The following ARHGAP22 variants were observed in gnomAD, a reference collection of about 807,000 sequenced individuals.
The protein encoded by ARHGAP22 is Rho GTPase activating protein 22.
ARHGAP22 carries 48 observed loss-of-function variants against 59.1 expected under a neutral mutation model. That is an observed-to-expected ratio of 0.81 (90% confidence interval 0.64 to 1.03). The LOEUF (loss-of-function observed/expected upper bound fraction) is 1.03. Among genes scored for constraint, ARHGAP22 ranks in the 50% least tolerant of loss-of-function variants. The pLI, the probability that ARHGAP22 is intolerant of heterozygous loss-of-function variation, is 0.00. For missense variants in ARHGAP22, 1,015 were observed against 958.7 expected (o/e 1.06, Z -0.78); for synonymous variants, 445 against 416.4 (o/e 1.07, Z -0.84).
At position 48,448,673 on chromosome 10, in the gene ARHGAP22, G is replaced by A. The variant is rs112412649; in HGVS notation, c.1868+1588C>T. 5.6e-3 allele frequency among the ~76,000 whole-genome samples: 833 copies of A among 147,736 alleles called. 9 individuals are homozygous for A. The highest frequency in any genetic ancestry group is 0.018 in the African/African-American group (728 of 39,740). ...CAATCACCTGCTGGACAGGACAGGT[G>A]CTAATGCCCTCACCTTCCTTCCTGT... On this transcript the variant is annotated intron_variant, in intron 9 of 9. Coordinates refer to ENST00000249601, the MANE Select transcript of ARHGAP22 (RefSeq NM_021226.4).
intron 3 of ARHGAP22, among the ~76,000 whole-genome samples, chr10:48,495,294 C>T (rs2050802618): frequency 6.6e-6 from 1 of 152,264 alleles, no homozygotes; most frequent in South Asian, 2.1e-4. Context: ...TGAGTGCTCA[C>T]CATATGCTGG....
intron 3 of ARHGAP22, among the ~76,000 whole-genome samples, chr10:48,495,687 G>A (rs2050852484): frequency 6.6e-6 from 1 of 152,204 alleles, no homozygotes. Flanking sequence ...GTGAAGGTGG[G>A]CAGGACCTAA....
chr10:48,577,801 G>GTTTTTTTTTTTTTTTTTTGTT (rs2058828750), intron 2 of ARHGAP22, among the ~76,000 whole-genome samples: 1 of 59,142 alleles, frequency 1.7e-5, no homozygotes, highest in African/African-American at 6.6e-5. Flanking sequence ...CTCTTTTTTG[G>GTTTTTTTTTTTTTTTTTTGTT]TTTTTTTTTT....
chr10:48,490,512 A>G (rs1430327824), intron 3 of ARHGAP22, among the ~76,000 whole-genome samples: 1 of 152,148 alleles, frequency 6.6e-6, no homozygotes, highest in African/African-American at 2.4e-5. Context: ...TCTATTGCCT[A>G]TGAGTCTAAA....
intron 2 of ARHGAP22, among the ~76,000 whole-genome samples, chr10:48,568,456 A>G (rs2058187999): frequency 6.6e-6 from 1 of 152,196 alleles, no homozygotes; most frequent in Non-Finnish European, 1.5e-5. Flanking sequence ...CTAAGGGGGA[A>G]ACTCAGATGA....
At chr10:48,637,979 A>G (rs1259991406) in intron 1 of ARHGAP22, among the ~76,000 whole-genome samples, 2 of 151,990 alleles carry the variant, frequency 1.3e-5, no homozygotes, top group African/African-American at 4.8e-5. Context: ...TTTTTGGCCT[A>G]TATTCTCATA....
At chr10:48,628,093 GGTGA>G (rs2136076991) in intron 1 of ARHGAP22, among the ~76,000 whole-genome samples, 2 of 152,292 alleles carry the variant, frequency 1.3e-5, no homozygotes, top group East Asian at 3.9e-4. Flanking sequence ...CCTTGCAGTG[GGTGA>G]GTGAGTCTAT....
At chr10:48,596,309 C>T (rs878958236) in intron 1 of ARHGAP22, among the ~76,000 whole-genome samples, 6 of 151,876 alleles carry the variant, frequency 4.0e-5, no homozygotes, top group Middle Eastern at 3.2e-3. Flanking sequence ...CATATGGAGA[C>T]GCAAGACACA....
chr10:48,558,576 A>AT (rs1011075905), intron 2 of ARHGAP22, among the ~76,000 whole-genome samples: 3 of 152,150 alleles, frequency 2.0e-5, no homozygotes, highest in Non-Finnish European at 4.4e-5. Context: ...TATCTTCCCC[A>AT]TGCTGGTCTC....
At chr10:48,615,222 G>A (rs888253853) in intron 1 of ARHGAP22, among the ~76,000 whole-genome samples, 3 of 152,182 alleles carry the variant, frequency 2.0e-5, no homozygotes, top group African/African-American at 7.2e-5. Context: ...CTAAAACACG[G>A]TTGTAAATTT....
At chr10:48,483,243 A>C (rs1309787678) in intron 3 of ARHGAP22, among the ~76,000 whole-genome samples, 2 of 152,172 alleles carry the variant, frequency 1.3e-5, no homozygotes, top group African/African-American at 2.4e-5. Context: ...ACATTGGGGT[A>C]CATTAACGTA....
At chr10:48,510,231 C>CA (rs1397727726) in intron 3 of ARHGAP22, among the ~76,000 whole-genome samples, 1 of 152,172 alleles carries the variant, frequency 6.6e-6, no homozygotes, top group Non-Finnish European at 1.5e-5. Context: ...ATGCTCCCCC[C>CA]ATAAAACAGT....
At chr10:48,582,734 A>G (rs2059192451) in intron 2 of ARHGAP22, 1 of 592,284 alleles carries the variant, frequency 1.7e-6, no homozygotes. Context: ...ATTTTAAGGA[A>G]ACATTTTCAT....
At chr10:48,436,701 T>G in the ARHGAP22 span, 3 of 152,250 alleles carry the variant, frequency 2.0e-5, no homozygotes, top group African/African-American at 7.2e-5. Flanking sequence ...ATGTGCAATA[T>G]TTAAGATTAA....
chr10:48,451,303 A>C, intron 8 of ARHGAP22, 163 bp from the exon 9 acceptor site: 1 of 949,612 alleles, frequency 1.1e-6, no homozygotes, highest in Non-Finnish European at 1.6e-6. Context: ...AGGACCACAC[A>C]CCCTCCAACT....
At chr10:48,644,782 G>A (rs2062219507) in intron 1 of ARHGAP22, among the ~76,000 whole-genome samples, 1 of 151,862 alleles carries the variant, frequency 6.6e-6, no homozygotes, top group Non-Finnish European at 1.5e-5. Flanking sequence ...ATCACTATAG[G>A]GAAATCTATA....
chr10:48,527,905 G>A (rs2054477336), intron 3 of ARHGAP22, among the ~76,000 whole-genome samples: 1 of 152,182 alleles, frequency 6.6e-6, no homozygotes, highest in South Asian at 2.1e-4. Context: ...CCAGGCACAG[G>A]GCAGAAGAGA....
chr10:48,605,002 T>G lies in ARHGAP22; in HGVS notation c.-206A>C. On this transcript the variant is annotated 5_prime_UTR_variant, in exon 1 of 10. Coordinates refer to ENST00000249601, the MANE Select transcript of ARHGAP22 (RefSeq NM_021226.4). ...GACTACATAAACCTCGATGCATTATTTATCCATCCCAGAATTAATTCCCAT... is the reference window on the plus strand; with the variant it reads ...GACTACATAAACCTCGATGCATTATGTATCCATCCCAGAATTAATTCCCAT... The G allele has an allele frequency of 1.4e-6, 2 of 1,447,106 alleles. No homozygotes were observed. Among genetic ancestry groups the G allele is most frequent in the Non-Finnish European group, 1.8e-6 (2 of 1,104,624 alleles). The allele number at this position is 1,447,106 out of a possible 1,614,324, so 89.6% of individuals were successfully genotyped here. A position where few individuals can be genotyped will look rare whatever the true frequency, so the allele number is the denominator to read the frequency against.
At chr10:48,490,323 T>C (rs757700182) in intron 3 of ARHGAP22, among the ~76,000 whole-genome samples, 3 of 152,064 alleles carry the variant, frequency 2.0e-5, no homozygotes, top group Non-Finnish European at 4.4e-5. Flanking sequence ...GGTGAGATCA[T>C]TTTTCATGGG....
Sources: allele counts gnomAD v4.1 joint callset (sites outside exome capture counted in the v4.1 genomes callset), GRCh38; gene constraint gnomAD v4.1.1; transcripts MANE v1.5; gene names NCBI Gene and HGNC (gene_info 2026-07-23, HGNC 2026-07-21).